Variants in ARMC9 observed in about 807,000 individuals in gnomAD.
ARMC9 encodes lisH domain-containing protein ARMC9.
In ARMC9, 94 loss-of-function variants were observed where a neutral mutation model predicts 107.0. The ratio of observed to expected loss-of-function variants is 0.88; its 90% CI spans 0.74 to 1.04. The LOEUF is 1.04. Among genes scored for constraint, ARMC9 ranks in the 50% least tolerant of loss-of-function variants. The probability of loss-of-function intolerance (pLI) is 0.00; values close to 1 mark genes in which losing one functional copy is unlikely to be tolerated. For synonymous variants in ARMC9, 380 were observed against 396.9 expected (o/e 0.96, Z 0.51); for missense variants, 942 against 1,030.1 (o/e 0.91, Z 1.17).
intron 20 of ARMC9, among the ~76,000 whole-genome samples, chr2:231,337,984 G>A (rs904172859): frequency 1.3e-5 from 2 of 152,194 alleles, no homozygotes; most frequent in Non-Finnish European, 2.9e-5. Context: ...AAATAGCAGA[G>A]AGTCCTACCT....
chr2:231,207,100 G>T (rs1202301960), intron 2 of ARMC9, among the ~76,000 whole-genome samples: 1 of 152,176 alleles, frequency 6.6e-6, no homozygotes, highest in Non-Finnish European at 1.5e-5. Flanking sequence ...GAACTCCTGG[G>T]CTCAAGCAAT....
At chr2:231,208,449 T>G (rs563768302) in intron 3 of ARMC9, among the ~76,000 whole-genome samples, 197 bp downstream of exon 3, 2 of 152,232 alleles carry the variant, frequency 1.3e-5, no homozygotes, top group African/African-American at 4.8e-5. Flanking sequence ...TGTGGCCATA[T>G]AAGATCTTTC....
chr2:231,353,442 A>T (rs1430927634), intron 21 of ARMC9, among the ~76,000 whole-genome samples: 3 of 127,628 alleles, frequency 2.4e-5, no homozygotes, highest in Non-Finnish European at 4.5e-5. Context: ...TCGGCCTCCC[A>T]AAGTGCTGGG....
chr2:231,258,738 A>G (rs1156253111), intron 10 of ARMC9, among the ~76,000 whole-genome samples: 2 of 152,200 alleles, frequency 1.3e-5, no homozygotes, highest in South Asian at 2.1e-4. Flanking sequence ...AAATCTGTTC[A>G]GGCAAAGACT....
intron 10 of ARMC9, among the ~76,000 whole-genome samples, chr2:231,258,145 CCTTGGAGGG>C (rs2038006805): frequency 6.6e-6 from 1 of 152,074 alleles, no homozygotes; most frequent in Non-Finnish European, 1.5e-5. Context: ...CCTTCTACCT[CCTTGGAGGG>C]CTAAGCCACC....
intron 23 of ARMC9, among the ~76,000 whole-genome samples, chr2:231,361,317 A>G (rs1010190463): frequency 6.6e-6 from 1 of 151,808 alleles, no homozygotes; most frequent in Non-Finnish European, 1.5e-5. Flanking sequence ...CTGGGCCTCC[A>G]GGCTGGGGCG....
rs2045432373 is a variant in ARMC9, at chr2:231,358,496, A to G, written c.2132-2258A>G. 6.6e-6 allele frequency among the ~76,000 whole-genome samples: 1 copy of G among 151,832 alleles called. No individual in the cohort carries two copies. Among genetic ancestry groups the G allele is most frequent in the South Asian group, 2.1e-4 (1 of 4,818 alleles). ...GGATTACAGGCATGGGGCCCCCTCC[A>G]CTTCCCTTCTCTCACTCACCTTGCC... On this transcript the variant is annotated intron_variant, in intron 22 of 24. Transcript: ENST00000611582. This position sits in a 1 kb window ranked among gnomAD's most constrained non-coding sequence, Gnocchi z 4.5.
chr2:231,211,228 A>G (rs904479684), intron 3 of ARMC9, among the ~76,000 whole-genome samples: 11 of 151,920 alleles, frequency 7.2e-5, no homozygotes, highest in Admixed American at 6.6e-5. Flanking sequence ...TATTAAGAAT[A>G]GTGCTGTTGG....
intron 19 of ARMC9, among the ~76,000 whole-genome samples, chr2:231,323,011 A>G (rs1375284216): frequency 1.3e-5 from 2 of 152,252 alleles, no homozygotes; most frequent in East Asian, 3.9e-4. Context: ...CCAGGCTTGC[A>G]TTGAGAGAGG....
chr2:231,313,471 T>G (rs1317995334), intron 19 of ARMC9, among the ~76,000 whole-genome samples: 1 of 152,246 alleles, frequency 6.6e-6, no homozygotes, highest in African/African-American at 2.4e-5. Context: ...TTTGACAGTT[T>G]TATTGAGGAT....
At chr2:231,344,658 C>T (rs1376726049) in intron 20 of ARMC9, among the ~76,000 whole-genome samples, 2 of 151,652 alleles carry the variant, frequency 1.3e-5, no homozygotes, top group Non-Finnish European at 2.9e-5. Context: ...CTTTTTTTCC[C>T]TTCTCATTTT....
chr2:231,308,657 G>A (rs1171247377), intron 19 of ARMC9, among the ~76,000 whole-genome samples: 1 of 152,234 alleles, frequency 6.6e-6, no homozygotes, highest in African/African-American at 2.4e-5. Flanking sequence ...ACAAGATGAT[G>A]TGGCTAGAAC....
intron 10 of ARMC9, among the ~76,000 whole-genome samples, chr2:231,257,973 G>C (rs897128510): frequency 6.6e-6 from 1 of 152,118 alleles, no homozygotes; most frequent in Non-Finnish European, 1.5e-5. Flanking sequence ...GCTGACCGAA[G>C]GTGGGTGGCA....
chr2:231,277,989 G>A (rs1448976582), intron 15 of ARMC9, among the ~76,000 whole-genome samples: 1 of 152,104 alleles, frequency 6.6e-6, no homozygotes, highest in Admixed American at 6.6e-5. Flanking sequence ...TCTTCCTGAT[G>A]GTGGTGTCCG....
Position 231,355,907 on chromosome 2 carries a change from A to G in ARMC9, c.2104A>G (p.Thr702Ala). 1 of 1,536,054 alleles carries G rather than the reference A, an allele frequency of 6.5e-7. No homozygotes were observed. Among genetic ancestry groups the G allele is most frequent in the Non-Finnish European group, 8.7e-7 (1 of 1,146,872 alleles). Reference sequence around the variant, plus strand: ...TGTCTACAGGGAGGGCAAGCCCAGCACCCCGGAGTCCTGCGTCTCCTCTTC... The same window carrying G: ...TGTCTACAGGGAGGGCAAGCCCAGCGCCCCGGAGTCCTGCGTCTCCTCTTC... ...EAVYREGKPS[T>A]PESCVSSSSA... Residue 702 changes from threonine to alanine, a missense_variant, in exon 22 of 25, where the codon ACC (threonine) becomes GCC (alanine). Coordinates refer to ENST00000611582, the MANE Select transcript of ARMC9 (RefSeq NM_001352754.2).
chr2:231,223,784 G>GATCTACAGCTCTC (rs2034380243), intron 6 of ARMC9, among the ~76,000 whole-genome samples: 1 of 152,140 alleles, frequency 6.6e-6, no homozygotes, highest in Non-Finnish European at 1.5e-5. Flanking sequence ...CGAACGGACT[G>GATCTACAGCTCTC]ATCTACAGCT....
chr2:231,258,914 T>A, intron 10 of ARMC9, 77 bp from the exon 11 acceptor site: 1 of 1,289,038 alleles, frequency 7.8e-7, no homozygotes, highest in Non-Finnish European at 1.1e-6. Flanking sequence ...CTAGCTTGGG[T>A]GTCATAATGC....
rs1411345079 is a variant in ARMC9, at chr2:231,373,177, T to C, written c.*1642T>C. On this transcript the variant is annotated 3_prime_UTR_variant, in exon 25 of 25. Transcript: ENST00000611582. The surrounding 1 kb of genome is among the most constrained non-coding windows in gnomAD (Gnocchi z 4.4). The stretch of plus-strand genomic sequence containing the variant: ...GAACTCCTCACTTGACCCGGAGGCA[T>C]TGGGAGCAAACACAAAGCTCGCCCC... 1 of 152,188 alleles carries C rather than the reference T, an allele frequency of 6.6e-6. No individual in the cohort carries two copies. The highest frequency in any genetic ancestry group is 1.5e-5 in the Non-Finnish European group (1 of 68,036). The allele number at this position is 152,188 out of a possible 1,614,324, so 9.4% of individuals were successfully genotyped here. A position where few individuals can be genotyped will look rare whatever the true frequency, so the allele number is the denominator to read the frequency against.
At chr2:231,241,301 C>T (rs1343034653) in intron 9 of ARMC9, among the ~76,000 whole-genome samples, 3 of 151,982 alleles carry the variant, frequency 2.0e-5, no homozygotes, top group Non-Finnish European at 1.5e-5. Context: ...CCAAATACGA[C>T]GTCGGTGATC....
Sources: gnomAD v4.1 joint callset for allele counts (sites outside exome capture counted in the v4.1 genomes callset) on GRCh38, gnomAD v4.1.1 for gene constraint, Gnocchi (gnomAD v3.1) non-coding constraint, MANE v1.5 for transcripts, NCBI Gene and HGNC (gene_info 2026-07-23, HGNC 2026-07-21) for gene names.